DPP10: variants seen among roughly 807,000 people sequenced by gnomAD.
DPP10 encodes inactive dipeptidyl peptidase 10.
A neutral mutation model predicts 120.9 loss-of-function variants in DPP10; 33 were observed. The observed-to-expected ratio is 0.27, with a 90% CI of 0.21 to 0.37. The LOEUF is 0.37. Ranked by LOEUF, DPP10 falls within the 10% of genes least tolerant of loss-of-function variation. The pLI, the probability that DPP10 is intolerant of heterozygous loss-of-function variation, is 1.00. For missense variants in DPP10, 816 were observed against 942.8 expected (o/e 0.87, Z 1.76); for synonymous variants, 337 against 326.1 (o/e 1.03, Z -0.36).
chr2:114,858,332 A>G (rs976036748), intron 1 of DPP10, among the ~76,000 whole-genome samples: 1 of 152,278 alleles, frequency 6.6e-6, no homozygotes, highest in South Asian at 2.1e-4. Flanking sequence ...ATATAGAGTG[A>G]GGGTAAGGAT....
chr2:115,590,342 A>G (rs1222740553), intron 5 of DPP10, among the ~76,000 whole-genome samples: 270 of 151,882 alleles, frequency 1.8e-3, no homozygotes, highest in Non-Finnish European at 2.9e-3. Flanking sequence ...GACAGGCTCC[A>G]GTGTTTGATG....
intron 1 of DPP10, among the ~76,000 whole-genome samples, chr2:114,766,237 A>G (rs143941046): frequency 6.6e-6 from 1 of 152,210 alleles, no homozygotes; most frequent in East Asian, 1.9e-4. Context: ...TAAAAATTCT[A>G]TGAGTTACTG....
At chr2:115,306,373 T>A (rs886792793) in intron 1 of DPP10, among the ~76,000 whole-genome samples, 3 of 152,032 alleles carry the variant, frequency 2.0e-5, no homozygotes, top group African/African-American at 7.2e-5. Flanking sequence ...GGTTGAAGCA[T>A]CTGAGGCAAA....
intron 1 of DPP10, among the ~76,000 whole-genome samples, chr2:114,824,107 G>A (rs558715510): frequency 6.6e-6 from 1 of 152,216 alleles, no homozygotes; most frequent in Non-Finnish European, 1.5e-5. Context: ...ATTCTCTGGA[G>A]TTTTAACCAG....
intron 3 of DPP10, among the ~76,000 whole-genome samples, chr2:115,374,356 T>C (rs1457197807): frequency 6.6e-6 from 1 of 152,162 alleles, no homozygotes. Flanking sequence ...ATACAAGAAG[T>C]GGGCTCCCAA....
At chr2:115,064,869 T>C in intron 1 of DPP10, 3 of 1,296,578 alleles carry the variant, frequency 2.3e-6, no homozygotes, top group Non-Finnish European at 3.1e-6. Flanking sequence ...TTGGGTTTCA[T>C]TTATTTTATT....
chr2:115,250,220 T>G (rs1420131330), intron 1 of DPP10, among the ~76,000 whole-genome samples: 1 of 152,208 alleles, frequency 6.6e-6, no homozygotes, highest in Admixed American at 6.5e-5. Context: ...CATTGTTTAA[T>G]GATTTTGTAA....
chr2:115,827,275 G>GTATACACATACATA (rs1478919022), intron 21 of DPP10, among the ~76,000 whole-genome samples: 1 of 138,984 alleles, frequency 7.2e-6, no homozygotes, highest in South Asian at 2.3e-4. Context: ...ATTTATGTAT[G>GTATACACATACATA]TATACACATA....
chr2:114,819,076 A>G (rs1685870193), intron 1 of DPP10, among the ~76,000 whole-genome samples: 1 of 152,056 alleles, frequency 6.6e-6, no homozygotes, highest in Non-Finnish European at 1.5e-5. Context: ...AGTGCTGGGC[A>G]TTTCGTTAGG....
intron 1 of DPP10, among the ~76,000 whole-genome samples, chr2:114,973,586 C>T (rs1199645541): frequency 4.6e-5 from 6 of 130,400 alleles, no homozygotes; most frequent in African/African-American, 1.5e-4. Context: ...GGCATGAACC[C>T]GGGAGGTGGA....
At chr2:115,332,367 A>G (rs1227895180) in intron 2 of DPP10, among the ~76,000 whole-genome samples, 2 of 152,034 alleles carry the variant, frequency 1.3e-5, no homozygotes, top group Non-Finnish European at 2.9e-5. Context: ...GATCTTTTCG[A>G]AAAACCAGCT....
At chr2:114,979,923 C>T (rs1699980389) in intron 1 of DPP10, among the ~76,000 whole-genome samples, 1 of 152,034 alleles carries the variant, frequency 6.6e-6, no homozygotes. Flanking sequence ...CGGTTGGTAT[C>T]TTCCTAAGAA....
intron 1 of DPP10, among the ~76,000 whole-genome samples, chr2:114,943,524 G>C (rs943134629): frequency 6.6e-6 from 1 of 152,074 alleles, no homozygotes; most frequent in South Asian, 2.1e-4. Context: ...CACCTGCCTC[G>C]GCCTCCCAAA....
chr2:114,922,462 G>A (rs1027733568), intron 1 of DPP10, among the ~76,000 whole-genome samples: 5 of 152,232 alleles, frequency 3.3e-5, no homozygotes, highest in South Asian at 4.1e-4. Flanking sequence ...ACAGGCATGC[G>A]TAGCCATGCT....
intron 1 of DPP10, among the ~76,000 whole-genome samples, chr2:114,745,926 T>C (rs1019373460): frequency 1.3e-5 from 2 of 152,208 alleles, no homozygotes; most frequent in Non-Finnish European, 2.9e-5. Context: ...TTATTTCCCA[T>C]TGGTCTTTCA....
At chr2:115,333,427 A>G (rs2062884602) in intron 2 of DPP10, among the ~76,000 whole-genome samples, 1 of 152,070 alleles carries the variant, frequency 6.6e-6, no homozygotes, top group Admixed American at 6.6e-5. Flanking sequence ...ATTTACATTT[A>G]AGGTTAATAT....
intron 1 of DPP10, among the ~76,000 whole-genome samples, chr2:114,657,791 A>T (rs796613977): frequency 6.6e-6 from 1 of 152,204 alleles, no homozygotes; most frequent in African/African-American, 2.4e-5. Context: ...TTCATGTATA[A>T]CTACTTTTGG....
At chr2:115,671,391 T>A (rs2089861076) in intron 5 of DPP10, among the ~76,000 whole-genome samples, 1 of 151,952 alleles carries the variant, frequency 6.6e-6, no homozygotes, top group Admixed American at 6.6e-5. Flanking sequence ...TAAGTAAATG[T>A]TCTAACTTGA....
intron 21 of DPP10, 131 bp downstream of exon 21, chr2:115,815,860 A>G (rs1298194203): frequency 3.3e-6 from 3 of 909,044 alleles, no homozygotes; most frequent in Non-Finnish European, 1.7e-6. Flanking sequence ...ACTTATTAAC[A>G]TGGAAAACCT....
Sources: allele counts gnomAD v4.1 joint callset (sites outside exome capture counted in the v4.1 genomes callset), GRCh38; gene constraint gnomAD v4.1.1; transcripts MANE v1.5; gene names NCBI Gene and HGNC (gene_info 2026-07-23, HGNC 2026-07-21).